INTS14: variants seen among roughly 807,000 people sequenced by gnomAD.
INTS14 encodes UPF0464 protein C15orf44.
INTS14 carries 27 observed loss-of-function variants against 56.9 expected under a neutral mutation model. The ratio of observed to expected loss-of-function variants is 0.47; its 90% CI spans 0.35 to 0.65. The LOEUF is 0.65. Ranked by LOEUF, INTS14 falls within the 30% of genes least tolerant of loss-of-function variation. The pLI is 0.00. For synonymous variants in INTS14, 207 were observed against 236.2 expected, an observed-to-expected ratio of 0.88 and a Z score of 1.13; for missense variants, 517 against 632.2, an observed-to-expected ratio of 0.82 and a Z score of 1.95.
intron 10 of INTS14, among the ~76,000 whole-genome samples, chr15:65,584,170 C>T (rs2072733643): frequency 6.6e-6 from 1 of 152,188 alleles, no homozygotes; most frequent in Non-Finnish European, 1.5e-5. Context: ...TCATATGTTC[C>T]TGAATACCAT....
At chr15:65,591,499 A>C in intron 9 of INTS14, 99 bp downstream of exon 9, 1 of 1,466,094 alleles carries the variant, frequency 6.8e-7, no homozygotes, top group Non-Finnish European at 9.2e-7. Context: ...GCATACCAGT[A>C]AGGGAGATCA....
At chr15:65,605,021 T>C in intron 3 of INTS14, 108 bp downstream of exon 3, 2 of 802,014 alleles carry the variant, frequency 2.5e-6, no homozygotes, top group East Asian at 2.5e-5. Context: ...GTGTAAAATG[T>C]AGTTTGTAGA....
intron 6 of INTS14, among the ~76,000 whole-genome samples, chr15:65,597,050 A>G (rs1229461313): frequency 6.6e-6 from 1 of 152,244 alleles, no homozygotes; most frequent in African/African-American, 2.4e-5. Context: ...ATGGGAAAGA[A>G]AAGACCTATT....
intron 10 of INTS14, among the ~76,000 whole-genome samples, chr15:65,583,612 T>C (rs867037885): frequency 1.3e-5 from 2 of 152,216 alleles, no homozygotes; most frequent in African/African-American, 4.8e-5. Context: ...AGAGTGGTGA[T>C]GGTACATTGT....
At chr15:65,597,583 T>G (rs1235050177) in intron 6 of INTS14, among the ~76,000 whole-genome samples, 1 of 152,190 alleles carries the variant, frequency 6.6e-6, no homozygotes, top group East Asian at 1.9e-4. Context: ...AGTCATAATA[T>G]AAGCAGCAGT....
rs1345380054 is a variant in INTS14, at chr15:65,599,706, T to C, written c.486+68A>G. The C allele has an allele frequency of 1.9e-6, 3 of 1,542,738 alleles. No homozygotes were observed. The African/African-American group carries it at 4.1e-5, about 21-fold the overall frequency. ...TATATACAATATAGCACTAGTGGTA[T>C]ATACTGAAAAATAAACTAAGCTGTA... On this transcript the variant is annotated intron_variant, in intron 4 of 11. Coordinates refer to ENST00000313182, the MANE Select transcript of INTS14 (RefSeq NM_001394796.1).
chr15:65,610,278 GA>G (rs2073850254), intron 1 of INTS14, among the ~76,000 whole-genome samples: 1 of 152,174 alleles, frequency 6.6e-6, no homozygotes, highest in Admixed American at 6.5e-5. Context: ...AGAATTGCTT[GA>G]ACCCAGGAGG....
chr15:65,609,153 C>T (rs1052249865), intron 1 of INTS14, among the ~76,000 whole-genome samples: 7 of 152,108 alleles, frequency 4.6e-5, no homozygotes, highest in African/African-American at 1.7e-4. Flanking sequence ...CTTCTGACCT[C>T]GACATTGGCC....
Position 65,596,106 on chromosome 15 carries a change from G to A in INTS14, c.749-281C>T, listed in dbSNP as rs191838076. Among the ~76,000 whole-genome samples, 107 of 152,324 alleles carry A rather than the reference G, an allele frequency of 7.0e-4. No homozygotes were observed. The East Asian group carries it at 0.017, about 25-fold the overall frequency. ...ACCCCAGCCAAGGCAAAAACTGAAA[G>A]GTCTAATCCCTCTGTGTAGTCAGGG... On this transcript the variant is annotated intron_variant, in intron 6 of 11. Coordinates refer to ENST00000313182, the MANE Select transcript of INTS14 (RefSeq NM_001394796.1).
At chr15:65,591,778 C>G in intron 8 of INTS14, 47 bp from the exon 9 acceptor site, 1 of 1,599,800 alleles carries the variant, frequency 6.3e-7, no homozygotes, top group South Asian at 1.1e-5. Context: ...AAGCCTGAGA[C>G]TGTCAAGTTA....
chr15:65,607,542 A>T, intron 1 of INTS14, 100 bp from the exon 2 acceptor site: 1 of 1,338,382 alleles, frequency 7.5e-7, no homozygotes, highest in Non-Finnish European at 1.0e-6. Flanking sequence ...GGCAAACACC[A>T]TTTAAGTTGA....
At chr15:65,589,059 G>A (rs1173607447) in intron 9 of INTS14, among the ~76,000 whole-genome samples, 1 of 152,244 alleles carries the variant, frequency 6.6e-6, no homozygotes, top group Non-Finnish European at 1.5e-5. Flanking sequence ...ATTGTAACAA[G>A]CCAAGTGTTG....
At chr15:65,581,921 T>C in intron 11 of INTS14, 33 bp downstream of exon 11, 1 of 1,605,592 alleles carries the variant, frequency 6.2e-7, no homozygotes, top group Admixed American at 1.7e-5. Flanking sequence ...GTGAACCATA[T>C]ATTTTGGGCA....
At chr15:65,590,117 T>C (rs1481541909) in intron 9 of INTS14, among the ~76,000 whole-genome samples, 1 of 152,202 alleles carries the variant, frequency 6.6e-6, no homozygotes, top group Non-Finnish European at 1.5e-5. Flanking sequence ...CTCCTAAATA[T>C]CTTTTACCCC....
rs2141250222 is a variant in INTS14, at chr15:65,583,558, G to T, written c.1239+1212C>A. On this transcript the variant is annotated intron_variant, in intron 10 of 11. Coordinates refer to ENST00000313182, the MANE Select transcript of INTS14 (RefSeq NM_001394796.1). Reference sequence around the variant, plus strand: ...GAATGTGGAGTGACTTTCCTAATGGGCACAGGGTTTCCTTTTGGAGTGATT... The same window carrying T: ...GAATGTGGAGTGACTTTCCTAATGGTCACAGGGTTTCCTTTTGGAGTGATT... Among the ~76,000 whole-genome samples, 3 of 152,298 alleles carry T rather than the reference G, an allele frequency of 2.0e-5. No homozygotes were observed. The South Asian group carries it at 6.2e-4, about 32-fold the overall frequency.
intron 7 of INTS14, among the ~76,000 whole-genome samples, chr15:65,594,364 C>G (rs1442965778): frequency 1.3e-5 from 2 of 151,788 alleles, no homozygotes; most frequent in African/African-American, 4.8e-5. Context: ...CAAAATGGCC[C>G]TACTCTGCTT....
intron 8 of INTS14, among the ~76,000 whole-genome samples, chr15:65,593,212 G>A (rs748084918): frequency 2.6e-5 from 4 of 151,820 alleles, no homozygotes; most frequent in Admixed American, 6.6e-5. Context: ...GCAGTGAGCC[G>A]TGATCATGCC....
At chr15:65,591,492 T>C in intron 9 of INTS14, 106 bp downstream of exon 9, 1 of 1,424,818 alleles carries the variant, frequency 7.0e-7, no homozygotes. Context: ...GACCATGGCA[T>C]ACCAGTAAGG....
At chr15:65,610,526 A>G (rs1388114009) in intron 1 of INTS14, among the ~76,000 whole-genome samples, 1 of 151,630 alleles carries the variant, frequency 6.6e-6, no homozygotes, top group Non-Finnish European at 1.5e-5. Context: ...CAGTCTGAGA[A>G]ATAGGCCCTA....
Sources: allele counts gnomAD v4.1 joint callset (sites outside exome capture counted in the v4.1 genomes callset), GRCh38; gene constraint gnomAD v4.1.1; transcripts MANE v1.5; gene names NCBI Gene and HGNC (gene_info 2026-07-23, HGNC 2026-07-21).